The following UST variants were observed in gnomAD, a reference collection of about 807,000 sequenced individuals.
The protein encoded by UST is uronyl 2-sulfotransferase, also known as chondroitin sulfate 2-O-sulfotransferase.
UST carries 21 observed loss-of-function variants against 45.6 expected under a neutral mutation model. That is an observed-to-expected ratio of 0.46 (90% CI 0.33 to 0.66). UST has a LOEUF of 0.66. Ranked by LOEUF, UST falls within the 30% of genes least tolerant of loss-of-function variation. The pLI is 0.02. For missense variants in UST, 463 were observed against 512.4 expected (o/e 0.90, Z 0.93); for synonymous variants, 215 against 200.6 (o/e 1.07, Z -0.61).
intron 7 of UST, chr6:149,027,751 CCT>C (rs1296488670): frequency 6.6e-6 from 1 of 151,858 alleles, no homozygotes; most frequent in Non-Finnish European, 1.5e-5. Context: ...AATTTCCATC[CCT>C]CTCTCTTCAT....
chr6:149,056,905 A>C (rs926395351), intron 7 of UST, among the ~76,000 whole-genome samples: 1 of 152,158 alleles, frequency 6.6e-6, no homozygotes, highest in African/African-American at 2.4e-5. Flanking sequence ...TATCTCACTT[A>C]TCTACATGTT....
intron 1 of UST, among the ~76,000 whole-genome samples, chr6:148,853,064 A>G (rs991557937): frequency 6.6e-6 from 1 of 152,126 alleles, no homozygotes; most frequent in Non-Finnish European, 1.5e-5. Context: ...CCCATCACGT[A>G]GGTATTAAGC....
intron 1 of UST, among the ~76,000 whole-genome samples, chr6:148,788,755 G>A (rs1265505925): frequency 6.6e-6 from 1 of 152,132 alleles, no homozygotes; most frequent in African/African-American, 2.4e-5. Context: ...CAAATTTTAA[G>A]ATCAAATCTT....
At chr6:148,848,922 G>A (rs1206704129) in intron 1 of UST, among the ~76,000 whole-genome samples, 5 of 152,186 alleles carry the variant, frequency 3.3e-5, no homozygotes, top group South Asian at 2.1e-4. Context: ...TGTCACTTTC[G>A]GTTTGAGGCT....
chr6:148,834,166 G>A (rs754994018), intron 1 of UST, among the ~76,000 whole-genome samples: 3 of 152,166 alleles, frequency 2.0e-5, no homozygotes, highest in African/African-American at 4.8e-5. Flanking sequence ...GTCACATAAA[G>A]TTATAAGGTT....
intron 1 of UST, among the ~76,000 whole-genome samples, chr6:148,877,741 G>A (rs1582871672): frequency 7.3e-6 from 1 of 137,290 alleles, no homozygotes; most frequent in Non-Finnish European, 1.6e-5. Flanking sequence ...TATGAGTGCA[G>A]GGGGTCGTGT....
At chr6:149,019,351 T>C in intron 6 of UST, 115 bp downstream of exon 6, 1 of 750,174 alleles carries the variant, frequency 1.3e-6, no homozygotes, top group South Asian at 1.6e-5. Context: ...CCTTCTGGAA[T>C]TCAGTTCCTG....
chr6:149,039,094 T>C (rs973822657), intron 7 of UST, among the ~76,000 whole-genome samples: 8 of 152,214 alleles, frequency 5.3e-5, no homozygotes, highest in Non-Finnish European at 1.5e-5. Flanking sequence ...CTGCATGGTT[T>C]TAGTTTCTCC....
At chr6:148,866,483 T>G (rs550410744) in intron 1 of UST, among the ~76,000 whole-genome samples, 13 of 152,154 alleles carry the variant, frequency 8.5e-5, no homozygotes, top group African/African-American at 2.9e-4. Flanking sequence ...GTCTACAAGA[T>G]GCGAAAACAA....
chr6:148,842,786 C>T (rs989820140), intron 1 of UST, among the ~76,000 whole-genome samples: 1 of 152,118 alleles, frequency 6.6e-6, no homozygotes, highest in Non-Finnish European at 1.5e-5. Flanking sequence ...ACAGCGTGGC[C>T]CTCGTCTGTA....
At chr6:148,930,306 T>A (rs990477345) in intron 2 of UST, among the ~76,000 whole-genome samples, 2 of 152,230 alleles carry the variant, frequency 1.3e-5, no homozygotes, top group South Asian at 2.1e-4. Context: ...TCAACAATTA[T>A]TTATTGAGTG....
chr6:148,834,678 G>A (rs915723389), intron 1 of UST, among the ~76,000 whole-genome samples: 1 of 152,104 alleles, frequency 6.6e-6, no homozygotes, highest in African/African-American at 2.4e-5. Flanking sequence ...GAGGTGAACC[G>A]AGATTGCGCC....
chr6:148,824,674 C>CTTT (rs535345402), intron 1 of UST, among the ~76,000 whole-genome samples: 93 of 133,340 alleles, frequency 7.0e-4, no homozygotes, highest in African/African-American at 2.1e-3. Flanking sequence ...TATTTTCTTT[C>CTTT]TTTTTTTTTT....
At chr6:148,868,928 G>C (rs1376885978) in intron 1 of UST, among the ~76,000 whole-genome samples, 2 of 152,176 alleles carry the variant, frequency 1.3e-5, no homozygotes, top group East Asian at 3.8e-4. Flanking sequence ...TTGTATGCCA[G>C]GTAGTTTATA....
At chr6:148,823,399 T>C (rs981445920) in intron 1 of UST, among the ~76,000 whole-genome samples, 2 of 152,216 alleles carry the variant, frequency 1.3e-5, no homozygotes, top group African/African-American at 4.8e-5. Flanking sequence ...CCAGCTAACA[T>C]CAGATCTTCT....
intron 7 of UST, among the ~76,000 whole-genome samples, chr6:149,042,208 G>GA (rs947707527): frequency 5.3e-5 from 8 of 151,150 alleles, no homozygotes; most frequent in South Asian, 2.1e-4. Flanking sequence ...AGGCTCCTTA[G>GA]AAAAAAAAAT....
intron 7 of UST, among the ~76,000 whole-genome samples, chr6:149,022,878 TG>T (rs1775998896): frequency 6.6e-6 from 1 of 152,152 alleles, no homozygotes; most frequent in Non-Finnish European, 1.5e-5. Context: ...TTTACCTGAG[TG>T]GGGTTGTGAA....
rs372883235 is a variant in UST at position 148,939,041 on chromosome 6, G to A, written c.292-2238G>A. 2.0e-4 allele frequency among the ~76,000 whole-genome samples: 30 copies of A among 152,142 alleles called. No individual in the cohort carries two copies. The East Asian group carries it at 4.6e-3, about 23-fold the overall frequency. On this transcript the variant is annotated intron_variant, in intron 2 of 7. Transcript: ENST00000367463. ...AGTTCAGCAAGATTGTGGAATATAA[G>A]ATCAATATAGAAAAATCAATCGTAT...
chr6:148,799,468 G>A (rs568003527), intron 1 of UST, among the ~76,000 whole-genome samples: 5 of 152,246 alleles, frequency 3.3e-5, no homozygotes, highest in Admixed American at 6.5e-5. Flanking sequence ...TTGATAAGGT[G>A]GGCGAAGTTG....
Sources: allele counts gnomAD v4.1 joint callset (sites outside exome capture counted in the v4.1 genomes callset), GRCh38; gene constraint gnomAD v4.1.1; transcripts MANE v1.5; gene names NCBI Gene and HGNC (gene_info 2026-07-23, HGNC 2026-07-21).